The following ANKRD12 variants were observed in gnomAD, a reference collection of about 807,000 sequenced individuals.
ANKRD12 encodes the protein ankyrin repeat domain-containing protein 12.
Under a neutral mutation model 183.4 loss-of-function variants are expected in ANKRD12, and 85 were observed. The ratio of observed to expected loss-of-function variants is 0.46; its 90% CI spans 0.39 to 0.56. The LOEUF is 0.56. Ranked by LOEUF, ANKRD12 falls within the 20% of genes least tolerant of loss-of-function variation. The pLI, the probability that ANKRD12 is intolerant of heterozygous loss-of-function variation, is 0.00. For synonymous variants in ANKRD12, 914 were observed against 800.2 expected (o/e 1.14, Z -2.40); for missense variants, 2,405 against 2,357.1 (o/e 1.02, Z -0.42).
intron 8 of ANKRD12, among the ~76,000 whole-genome samples, chr18:9,242,079 T>C (rs2037696874): frequency 6.6e-6 from 1 of 151,980 alleles, no homozygotes; most frequent in South Asian, 2.1e-4. Context: ...GAAAAATAAA[T>C]GGCAAATTCT....
intron 3 of ANKRD12, among the ~76,000 whole-genome samples, chr18:9,196,110 C>CAT (rs2034771339): frequency 7.4e-5 from 1 of 13,602 alleles, no homozygotes; most frequent in Non-Finnish European, 1.6e-4. Context: ...AACATGCAAA[C>CAT]ACACACACAC....
chr18:9,164,871 C>G (rs1056515121), intron 1 of ANKRD12, among the ~76,000 whole-genome samples: 1 of 152,158 alleles, frequency 6.6e-6, no homozygotes, highest in Non-Finnish European at 1.5e-5. Flanking sequence ...AATATATAAT[C>G]TGTTGTTTTT....
intron 8 of ANKRD12, among the ~76,000 whole-genome samples, chr18:9,252,381 G>A (rs575129490): frequency 7.6e-4 from 115 of 152,300 alleles, no homozygotes; most frequent in African/African-American, 2.0e-3. Context: ...AGAAACCAGC[G>A]TGCAGAGAGA....
At chr18:9,156,330 AAAAAG>A (rs1190272225) in intron 1 of ANKRD12, among the ~76,000 whole-genome samples, 1 of 152,078 alleles carries the variant, frequency 6.6e-6, no homozygotes. Context: ...GATAATTTTG[AAAAAG>A]AAAAACGGTG....
At chr18:9,224,919 C>T (rs756627239) in intron 8 of ANKRD12, among the ~76,000 whole-genome samples, 5 of 152,046 alleles carry the variant, frequency 3.3e-5, no homozygotes, top group Non-Finnish European at 7.4e-5. Flanking sequence ...TCTACATTTT[C>T]CTCCAGTAAG....
chr18:9,150,646 A>G (rs1171733434), intron 1 of ANKRD12, among the ~76,000 whole-genome samples: 1 of 151,632 alleles, frequency 6.6e-6, no homozygotes, highest in East Asian at 1.9e-4. Flanking sequence ...TTTAAAATTT[A>G]TTTTTATTTT....
intron 1 of ANKRD12, among the ~76,000 whole-genome samples, chr18:9,158,976 GGAC>G (rs2031007066): frequency 6.6e-6 from 1 of 151,952 alleles, no homozygotes; most frequent in Non-Finnish European, 1.5e-5. Context: ...TTGTCTGTTG[GGAC>G]CCCTTTCACT....
intron 10 of ANKRD12, among the ~76,000 whole-genome samples, chr18:9,270,415 G>A (rs146631263): frequency 0.013 from 2,050 of 152,110 alleles, 55 homozygotes; most frequent in African/African-American, 0.047. Context: ...CATATACACC[G>A]TGCAATACTA....
At chr18:9,251,780 G>A (rs1024065482) in intron 8 of ANKRD12, among the ~76,000 whole-genome samples, 3 of 151,926 alleles carry the variant, frequency 2.0e-5, no homozygotes, top group Non-Finnish European at 2.9e-5. Context: ...GCGACGGAGC[G>A]AGACTCCATC....
intron 6 of ANKRD12, among the ~76,000 whole-genome samples, chr18:9,216,013 T>C (rs1310750602): frequency 9.7e-6 from 1 of 103,368 alleles, no homozygotes; most frequent in Non-Finnish European, 2.0e-5. Flanking sequence ...AGGCTGCTTT[T>C]ACTTTTTTTT....
intron 7 of ANKRD12, among the ~76,000 whole-genome samples, chr18:9,218,314 A>G (rs1364808285): frequency 6.6e-6 from 1 of 152,178 alleles, no homozygotes; most frequent in East Asian, 1.9e-4. Flanking sequence ...TCCTCCTACC[A>G]ACATGCCTAG....
rs1336231877 is a variant in ANKRD12, at chr18:9,275,149, C to T, written c.5764-375C>T. Among the ~76,000 whole-genome samples, 3 of 152,074 alleles carry T rather than the reference C, an allele frequency of 2.0e-5. No homozygotes were observed. In the East Asian group the frequency reaches 5.8e-4, roughly 29 times the overall value. ...GAGATTACAGTGAACTAGGATCATG[C>T]CTACACACCAGCCTGGGTGACAGAG... On this transcript the variant is annotated intron_variant, in intron 10 of 12. Coordinates refer to ENST00000262126, the MANE Select transcript of ANKRD12 (RefSeq NM_015208.5).
At chr18:9,252,840 T>C (rs1445710490) in intron 8 of ANKRD12, among the ~76,000 whole-genome samples, 1 of 152,206 alleles carries the variant, frequency 6.6e-6, no homozygotes, top group Non-Finnish European at 1.5e-5. Context: ...TAATTTGTGA[T>C]GTTTATATAA....
chr18:9,216,281 C>G (rs960681131), intron 6 of ANKRD12, among the ~76,000 whole-genome samples: 1 of 151,994 alleles, frequency 6.6e-6, no homozygotes, highest in African/African-American at 2.4e-5. Context: ...GCCTACTCAC[C>G]GTGAAGATGA....
At chr18:9,261,895 T>G (rs889855992) in intron 9 of ANKRD12, among the ~76,000 whole-genome samples, 2 of 152,184 alleles carry the variant, frequency 1.3e-5, no homozygotes, top group Non-Finnish European at 2.9e-5. Flanking sequence ...GTCCTCTACA[T>G]TCCTTGAAAT....
chr18:9,204,136 C>T (rs1263875551), intron 3 of ANKRD12, among the ~76,000 whole-genome samples: 1 of 151,908 alleles, frequency 6.6e-6, no homozygotes, highest in African/African-American at 2.4e-5. Context: ...AGAAAACCAG[C>T]GATAGAGTAC....
At chr18:9,170,778 G>A (rs879046831) in intron 1 of ANKRD12, among the ~76,000 whole-genome samples, 4 of 152,032 alleles carry the variant, frequency 2.6e-5, no homozygotes, top group Admixed American at 6.6e-5. Context: ...GAGGAGAGGC[G>A]CTCTGATTTT....
At chr18:9,280,276 T>G (rs1397652763) in intron 12 of ANKRD12, among the ~76,000 whole-genome samples, 1 of 152,134 alleles carries the variant, frequency 6.6e-6, no homozygotes, top group African/African-American at 2.4e-5. Context: ...TGAGCTGCTA[T>G]GAGAATCTAA....
chr18:9,211,566 C>G lies in ANKRD12; in HGVS notation c.452-18C>G. 1 of 1,609,368 alleles carries G rather than the reference C, an allele frequency of 6.2e-7. No individual in the cohort carries two copies. Among genetic ancestry groups the G allele is most frequent in the Non-Finnish European group, 8.5e-7 (1 of 1,176,716 alleles). ...ATATTTAGCCTAGAACTTCTGCTAA[C>G]TTTCTTCTTTCTTACAGATTCCACA... On this transcript the variant is annotated intron_variant, in intron 5 of 12. Coordinates refer to ENST00000262126, the MANE Select transcript of ANKRD12 (RefSeq NM_015208.5).
Sources: gnomAD v4.1 joint callset for allele counts (sites outside exome capture counted in the v4.1 genomes callset) on GRCh38, gnomAD v4.1.1 for gene constraint, MANE v1.5 for transcripts, NCBI Gene and HGNC (gene_info 2026-07-23, HGNC 2026-07-21) for gene names.